The following PADI2 variants were observed in gnomAD, a reference collection of about 807,000 sequenced individuals.
PADI2 encodes protein-arginine deiminase type-2.
PADI2 carries 70 observed loss-of-function variants against 81.1 expected under a neutral mutation model. The ratio of observed to expected loss-of-function variants is 0.86; its 90% CI spans 0.71 to 1.05. PADI2 has a LOEUF of 1.05. Among genes scored for constraint, PADI2 ranks in the 50% least tolerant of loss-of-function variants. PADI2 has a pLI of 0.00. For missense variants in PADI2, 853 were observed against 889.9 expected, an observed-to-expected ratio of 0.96 and a Z score of 0.53; for synonymous variants, 338 against 358.0, an observed-to-expected ratio of 0.94 and a Z score of 0.63.
rs931689924 is a variant in PADI2 at position 17,117,564 on chromosome 1, G to A, written c.92+1716C>T. On this transcript the variant is annotated intron_variant, in intron 1 of 15. Coordinates refer to ENST00000375486, the MANE Select transcript of PADI2 (RefSeq NM_007365.3). Reference sequence around the variant, plus strand: ...TCGTTGAGACAGGACAAGGGGAATCGTCACACTGCTGCCCCCTGCTAGAGG... The same window carrying A: ...TCGTTGAGACAGGACAAGGGGAATCATCACACTGCTGCCCCCTGCTAGAGG... Among the ~76,000 whole-genome samples the A allele has an allele frequency of 2.6e-5, 4 of 152,078 alleles. No individual in the cohort carries two copies. In the East Asian group the frequency reaches 5.8e-4, roughly 22 times the overall value.
Position 17,071,947 on chromosome 1 carries a change from C to T in PADI2, c.1550-456G>A, listed in dbSNP as rs553495022. Among the ~76,000 whole-genome samples the T allele has an allele frequency of 9.2e-5, 14 of 152,348 alleles. No homozygotes were observed. The East Asian group carries it at 2.7e-3, about 29-fold the overall frequency. On this transcript the variant is annotated intron_variant, in intron 13 of 15. Coordinates refer to ENST00000375486, the MANE Select transcript of PADI2 (RefSeq NM_007365.3). ...TGGCCTGCGTTTTCCTCCTGTACCA[C>T]ACGATGGCTTATGTGGCTTCCAGCT...
At chr1:17,102,876 C>A in intron 3 of PADI2, 111 bp downstream of exon 3, 1 of 753,914 alleles carries the variant, frequency 1.3e-6, no homozygotes, top group Admixed American at 2.1e-5. Context: ...TCAGAAGAAG[C>A]TCCAAGTGCC....
chr1:17,070,345 C>A, intron 14 of PADI2, 129 bp from the exon 15 acceptor site: 1 of 1,172,762 alleles, frequency 8.5e-7, no homozygotes, highest in Non-Finnish European at 1.2e-6. Flanking sequence ...TAGCAGTCAG[C>A]GGGCGCCTCT....
chr1:17,116,491 G>A (rs1412245517), intron 1 of PADI2, among the ~76,000 whole-genome samples: 2 of 152,170 alleles, frequency 1.3e-5, no homozygotes, highest in African/African-American at 4.8e-5. Context: ...TGTCCGGGCA[G>A]CAAAGGACTC....
intron 6 of PADI2, among the ~76,000 whole-genome samples, chr1:17,089,590 C>T (rs1003197983): frequency 3.3e-5 from 5 of 152,128 alleles, no homozygotes; most frequent in Admixed American, 1.3e-4. Context: ...CGATGTGGCC[C>T]GTGGCCTGTG....
rs115483027 is a variant in PADI2 at position 17,088,462 on chromosome 1, G to A, written c.656-1763C>T. Among the ~76,000 whole-genome samples, 217 of 152,302 alleles carry A rather than the reference G, an allele frequency of 1.4e-3. 1 individual carries two copies. The highest frequency in any genetic ancestry group is 4.2e-3 in the African/African-American group (174 of 41,570). The stretch of plus-strand genomic sequence containing the variant: ...AACGTGAGAAATAAGTGGATGAACC[G>A]CGAAGCCAGGGCTTGGGATGGCTCC... On this transcript the variant is annotated intron_variant, in intron 6 of 15. Coordinates refer to ENST00000375486, the MANE Select transcript of PADI2 (RefSeq NM_007365.3).
At chr1:17,076,733 C>T (rs7523863) in intron 11 of PADI2, among the ~76,000 whole-genome samples, 91,342 of 151,778 alleles carry the variant, frequency 0.6, 27,874 homozygotes, top group Middle Eastern at 0.7. Flanking sequence ...CCCACCACCC[C>T]GCCCAGCTAA....
At chr1:17,081,722 C>T (rs1251420653) in intron 10 of PADI2, among the ~76,000 whole-genome samples, 1 of 152,238 alleles carries the variant, frequency 6.6e-6, no homozygotes, top group Non-Finnish European at 1.5e-5. Flanking sequence ...TCTAACTTCA[C>T]ACACTAGGTT....
In PADI2 at chr1:17,082,450, G is replaced by T. The variant is rs2078351190; in HGVS notation, c.1158+95C>A. ...GAAACAGAGGCTCTGGGCAGCAGATGAATGTGTCAAGGCGGCCCAGGGTCT... is the reference window on the plus strand; with the variant it reads ...GAAACAGAGGCTCTGGGCAGCAGATTAATGTGTCAAGGCGGCCCAGGGTCT... On this transcript the variant is annotated intron_variant, in intron 10 of 15. Coordinates refer to ENST00000375486, the MANE Select transcript of PADI2 (RefSeq NM_007365.3). 6.3e-6 allele frequency: 5 copies of T among 788,784 alleles called. No individual in the cohort carries two copies. The South Asian group carries it at 7.1e-5, about 11-fold the overall frequency. The allele number at this position is 788,784 out of a possible 1,614,324, so 48.9% of individuals were successfully genotyped here. A position where few individuals can be genotyped will look rare whatever the true frequency, so the allele number is the denominator to read the frequency against.
intron 11 of PADI2, 98 bp downstream of exon 11, chr1:17,079,166 G>A: frequency 1.0e-6 from 1 of 993,604 alleles, no homozygotes. Context: ...AATTCCCCCA[G>A]CCACTTGCTC....
chr1:17,116,697 G>A (rs545450581), intron 1 of PADI2, among the ~76,000 whole-genome samples: 1 of 152,270 alleles, frequency 6.6e-6, no homozygotes, highest in Non-Finnish European at 1.5e-5. Flanking sequence ...GTGTGACTCT[G>A]GACAAATGGC....
intron 1 of PADI2, among the ~76,000 whole-genome samples, chr1:17,108,200 C>T (rs532195888): frequency 5.3e-5 from 8 of 152,224 alleles, no homozygotes; most frequent in African/African-American, 1.7e-4. Flanking sequence ...CCACCCGCCT[C>T]GGCCTCCCAA....
intron 9 of PADI2, chr1:17,082,941 G>T (rs2078356016): frequency 7.5e-6 from 2 of 266,658 alleles, no homozygotes; most frequent in East Asian, 9.4e-5. Context: ...CATGATTATG[G>T]CCCACTGCAG....
chr1:17,095,547 C>T (rs1319768261), intron 4 of PADI2, among the ~76,000 whole-genome samples: 1 of 152,194 alleles, frequency 6.6e-6, no homozygotes, highest in Non-Finnish European at 1.5e-5. Flanking sequence ...GAATGCGACC[C>T]TCTGTCCTGA....
chr1:17,098,943 AGAG>A (rs1931043618), intron 3 of PADI2, among the ~76,000 whole-genome samples: 1 of 152,162 alleles, frequency 6.6e-6, no homozygotes. Context: ...GGGAGGAGGG[AGAG>A]GAGCTCTGCT....
At chr1:17,101,692 G>A (rs1443936048) in intron 3 of PADI2, among the ~76,000 whole-genome samples, 2 of 152,166 alleles carry the variant, frequency 1.3e-5, no homozygotes, top group African/African-American at 4.8e-5. Context: ...GAGAGCACAG[G>A]GCTAGAGAGG....
intron 3 of PADI2, among the ~76,000 whole-genome samples, chr1:17,096,434 G>A (rs756429429): frequency 1.3e-5 from 2 of 152,240 alleles, no homozygotes; most frequent in Non-Finnish European, 2.9e-5. Flanking sequence ...GTCTACCCGG[G>A]CATGCGCATA....
chr1:17,086,472 C>A (rs948565003), intron 7 of PADI2, 49 bp downstream of exon 7: 1 of 1,511,908 alleles, frequency 6.6e-7, no homozygotes, highest in African/African-American at 1.4e-5. Context: ...AGGAGACCCA[C>A]CCTGGCCCCT....
At chr1:17,104,052 G>A (rs2101604637) in intron 2 of PADI2, among the ~76,000 whole-genome samples, 1 of 151,764 alleles carries the variant, frequency 6.6e-6, no homozygotes, top group Non-Finnish European at 1.5e-5. Context: ...GGAGGCCAAG[G>A]TGGGCGGATC....
Sources: gnomAD v4.1 joint callset for allele counts (sites outside exome capture counted in the v4.1 genomes callset) on GRCh38, gnomAD v4.1.1 for gene constraint, MANE v1.5 for transcripts, NCBI Gene and HGNC (gene_info 2026-07-23, HGNC 2026-07-21) for gene names.